Variants in HYDIN observed in about 807,000 individuals in gnomAD.
HYDIN encodes the protein axonemal central pair apparatus protein HYDIN.
In HYDIN, 132 loss-of-function variants were observed where a neutral mutation model predicts 403.9. That is an observed-to-expected ratio of 0.33 (90% CI 0.28 to 0.38). The LOEUF is 0.38. HYDIN is among the 10% of genes least tolerant of loss of function. HYDIN has a pLI of 1.00. For missense variants in HYDIN, 2,827 were observed against 5,009.5 expected, an observed-to-expected ratio of 0.56 and a Z score of 13.15; for synonymous variants, 1,202 against 1,891.7, an observed-to-expected ratio of 0.64 and a Z score of 9.46.
At chr16:71,094,096 A>G (rs1295337231) in intron 10 of HYDIN, among the ~76,000 whole-genome samples, 161 bp from the exon 11 acceptor site, 3 of 152,160 alleles carry the variant, frequency 2.0e-5, no homozygotes, top group Admixed American at 6.6e-5. Context: ...GATTCATCCT[A>G]TATGGGAGCC....
chr16:71,185,470 T>C (rs151230680), intron 2 of HYDIN, among the ~76,000 whole-genome samples: 92 of 152,306 alleles, frequency 6.0e-4, no homozygotes, highest in Non-Finnish European at 1.1e-3. Flanking sequence ...AGAGAAATCT[T>C]ATAAAATTGC....
chr16:71,126,021 G>A (rs1180212552), intron 9 of HYDIN, among the ~76,000 whole-genome samples: 2 of 151,794 alleles, frequency 1.3e-5, no homozygotes, highest in East Asian at 3.9e-4. Context: ...GTGGTCACAG[G>A]GAAATGCTGC....
chr16:71,194,791 G>C (rs1006722439), intron 1 of HYDIN, among the ~76,000 whole-genome samples: 6 of 152,248 alleles, frequency 3.9e-5, no homozygotes, highest in Admixed American at 6.5e-5. Flanking sequence ...CATCTGAAGG[G>C]TTGACTAAGG....
At chr16:71,183,642 G>C (rs1182450517) in intron 3 of HYDIN, among the ~76,000 whole-genome samples, 1 of 152,052 alleles carries the variant, frequency 6.6e-6, no homozygotes, top group African/African-American at 2.4e-5. Flanking sequence ...TGTGGCCCAA[G>C]AATTTCATAA....
At position 70,941,750 on chromosome 16, in the gene HYDIN, C is replaced by A. The variant is rs372754655; in HGVS notation, c.6739G>T (p.Ala2247Ser). ...ATGGCCTTCAGCAGGCAGAGGAGGGCGGCTGCAGCATTCTGAGCAAAGAGA... is the reference window on the plus strand; with the variant it reads ...ATGGCCTTCAGCAGGCAGAGGAGGGAGGCTGCAGCATTCTGAGCAAAGAGA... ...DTLFAQNAAAALLCLLKAIGS... is the reference protein window; with the variant it reads ...DTLFAQNAAASLLCLLKAIGS... The change falls in exon 43 of 86, where the codon GCC becomes TCC. Residue 2247 changes from alanine to serine, a missense_variant. Physicochemically the swap from Ala to Ser is moderately conservative, Grantham distance 99. Transcript: ENST00000393567. 1.6e-5 allele frequency: 25 copies of A among 1,592,890 alleles called. No individual in the cohort carries two copies. Among genetic ancestry groups the A allele is most frequent in the Non-Finnish European group, 2.0e-5 (24 of 1,170,898 alleles).
chr16:71,176,305 C>CAA (rs530492551), intron 4 of HYDIN, among the ~76,000 whole-genome samples: 16 of 68,816 alleles, frequency 2.3e-4, no homozygotes, highest in East Asian at 4.4e-4. Flanking sequence ...GACTCTGTCT[C>CAA]AAAAAAAAAA....
chr16:71,157,256 T>C lies in HYDIN; in HGVS notation c.717-4473A>G, dbSNP rs374462976. Among the ~76,000 whole-genome samples, 205 of 151,120 alleles carry C rather than the reference T, an allele frequency of 1.4e-3. 1 individual carries two copies. The highest frequency in any genetic ancestry group is 4.8e-3 in the African/African-American group (199 of 41,132). Reference sequence around the variant, plus strand: ...ACTTAACCACTAATAAAATCATTATTTCAACGAGAAAAGGATGATCTGTTT... The same window carrying C: ...ACTTAACCACTAATAAAATCATTATCTCAACGAGAAAAGGATGATCTGTTT... On this transcript the variant is annotated intron_variant, in intron 6 of 85. Transcript: ENST00000393567.
chr16:71,175,580 C>T, intron 5 of HYDIN, 27 bp downstream of exon 5: 1 of 1,610,552 alleles, frequency 6.2e-7, no homozygotes, highest in Non-Finnish European at 8.5e-7. Context: ...GTACAAGTGT[C>T]CAATTTCTTG....
chr16:71,130,407 G>T (rs1290737362), intron 8 of HYDIN, among the ~76,000 whole-genome samples: 1 of 148,914 alleles, frequency 6.7e-6, no homozygotes, highest in Non-Finnish European at 1.5e-5. Flanking sequence ...TGTGTTGAGG[G>T]TTAAATGTAA....
At chr16:71,120,508 T>G (rs1597822957) in intron 9 of HYDIN, among the ~76,000 whole-genome samples, 1 of 143,858 alleles carries the variant, frequency 7.0e-6, no homozygotes, top group Non-Finnish European at 1.5e-5. Flanking sequence ...AAACAGCCAC[T>G]GGTTTGTGAT....
At chr16:71,189,637 C>T (rs999835278) in intron 1 of HYDIN, among the ~76,000 whole-genome samples, 2 of 151,806 alleles carry the variant, frequency 1.3e-5, no homozygotes, top group Admixed American at 6.6e-5. Context: ...CATAGTGGCA[C>T]GTGCCTGTAG....
At chr16:70,823,636 A>G (rs911749836) in intron 83 of HYDIN, among the ~76,000 whole-genome samples, 15 of 152,022 alleles carry the variant, frequency 9.9e-5, no homozygotes, top group Non-Finnish European at 2.2e-4. Flanking sequence ...TGATTAACAC[A>G]TAGTATTGCT....
chr16:71,024,888 A>T (rs1206310738), intron 21 of HYDIN, among the ~76,000 whole-genome samples: 1 of 152,184 alleles, frequency 6.6e-6, no homozygotes, highest in Non-Finnish European at 1.5e-5. Flanking sequence ...CGTGTGCATC[A>T]CATCACACGT....
intron 6 of HYDIN, among the ~76,000 whole-genome samples, chr16:71,158,469 T>C (rs947601206): frequency 2.0e-5 from 3 of 151,814 alleles, no homozygotes; most frequent in East Asian, 2.0e-4. Flanking sequence ...GCTTCACATT[T>C]ACATGAATCT....
At chr16:71,110,413 ATATT>A (rs894878106) in intron 10 of HYDIN, among the ~76,000 whole-genome samples, 4 of 141,430 alleles carry the variant, frequency 2.8e-5, no homozygotes, top group African/African-American at 1.0e-4. Context: ...TATATATAAT[ATATT>A]TATATATAAT....
At chr16:70,931,210 GTTTTTTTTTTT>G (rs71387550) in intron 45 of HYDIN, among the ~76,000 whole-genome samples, 5 of 59,464 alleles carry the variant, frequency 8.4e-5, no homozygotes, top group Admixed American at 2.3e-4. Context: ...TCTTTCTTCT[GTTTTTTTTTTT>G]TTTTTTTTTT....
At chr16:71,044,912 T>C (rs2081404287) in intron 18 of HYDIN, among the ~76,000 whole-genome samples, 1 of 150,810 alleles carries the variant, frequency 6.6e-6, no homozygotes, top group Admixed American at 6.6e-5. Context: ...ATGATACAGG[T>C]TTGCTTCTGG....
chr16:70,945,517 T>C (rs1034867404), intron 41 of HYDIN, among the ~76,000 whole-genome samples: 2 of 152,192 alleles, frequency 1.3e-5, no homozygotes, highest in African/African-American at 2.4e-5. Context: ...GTTAAAGGTA[T>C]TTAAATATTT....
chr16:70,872,705 C>A (rs868583127), intron 64 of HYDIN, among the ~76,000 whole-genome samples: 15 of 121,142 alleles, frequency 1.2e-4, no homozygotes, highest in South Asian at 1.2e-3. Context: ...TCCCTACCCA[C>A]CCATCCATCC....
Sources: allele counts gnomAD v4.1 joint callset (sites outside exome capture counted in the v4.1 genomes callset), GRCh38; gene constraint gnomAD v4.1.1; transcripts MANE v1.5; gene names NCBI Gene and HGNC (gene_info 2026-07-23, HGNC 2026-07-21).